CACNA1H: variants seen among roughly 807,000 people sequenced by gnomAD.
CACNA1H encodes the protein calcium voltage-gated channel subunit alpha1 H.
Under a neutral mutation model 192.5 loss-of-function variants are expected in CACNA1H, and 149 were observed. That is an observed-to-expected ratio of 0.77 (90% CI 0.68 to 0.89). CACNA1H has a LOEUF of 0.89. Ranked by LOEUF, CACNA1H falls within the 40% of genes least tolerant of loss-of-function variation. CACNA1H has a pLI of 0.00. For missense variants in CACNA1H, 4,257 were observed against 3,423.5 expected, an observed-to-expected ratio of 1.24 and a Z score of -6.08; for synonymous variants, 2,202 against 1,475.2, an observed-to-expected ratio of 1.49 and a Z score of -11.29.
In CACNA1H at chr16:1,209,209, G is replaced by A. The variant is rs2141327472; in HGVS notation, c.3541G>A (p.Asp1181Asn). The change falls in exon 17 of 35, where the codon GAC becomes AAC. Residue 1181 changes from aspartate to asparagine, a missense_variant. By Grantham distance (23) the Asp-to-Asn change is conservative. Coordinates refer to ENST00000348261, the MANE Select transcript of CACNA1H (RefSeq NM_021098.3). The part of the protein sequence containing the change: ...GKGSTDDEAE[D>N]GRAAPGPRAT... Reference sequence around the variant, plus strand: ...GGGCAGCACCGACGACGAAGCTGAGGACGGCAGGGCCGCGCCCGGGCCCCG... The same window carrying A: ...GGGCAGCACCGACGACGAAGCTGAGAACGGCAGGGCCGCGCCCGGGCCCCG... 1 of 1,550,160 alleles carries A rather than the reference G, an allele frequency of 6.5e-7. No homozygotes were observed. The highest frequency in any genetic ancestry group is 1.2e-5 in the South Asian group (1 of 84,040).
At chr16:1,171,858 C>T (rs1964401088) in intron 2 of CACNA1H, among the ~76,000 whole-genome samples, 3 of 152,370 alleles carry the variant, frequency 2.0e-5, no homozygotes, top group South Asian at 4.1e-4. Context: ...GTTCTGGGCT[C>T]TTCTCGCCCA....
Position 1,212,150 on chromosome 16 carries a change from CCGGTGGCGGTGG to C in CACNA1H, c.4759+22_4759+33del, listed in dbSNP as rs563400847. 3.1e-6 allele frequency: 5 copies of C among 1,598,460 alleles called. No homozygotes were observed. The highest frequency in any genetic ancestry group is 2.7e-5 in the African/African-American group (2 of 74,844). ...GAGGAGGCGCAGGAGTAAGGCGCTC[CCGGTGGCGGTGG>C]CGGTGGCGGGTCGGTACCTGTGTGC... is the stretch of plus-strand genomic sequence containing the variant. On this transcript the variant is annotated intron_variant, in intron 25 of 34. Transcript: ENST00000348261.
intron 12 of CACNA1H, 138 bp downstream of exon 12, chr16:1,206,427 C>A: frequency 2.6e-6 from 2 of 761,404 alleles, no homozygotes; most frequent in Non-Finnish European, 4.2e-6. Context: ...TCGGCCTCTG[C>A]TGCCTTCATT....
chr16:1,175,962 C>G (rs899034837), intron 2 of CACNA1H, among the ~76,000 whole-genome samples: 11 of 152,232 alleles, frequency 7.2e-5, no homozygotes, highest in African/African-American at 2.7e-4. Flanking sequence ...CCGTCTGGAC[C>G]TGGCCTGGGG....
chr16:1,197,163 G>A (rs1967082581), intron 5 of CACNA1H, among the ~76,000 whole-genome samples: 1 of 152,226 alleles, frequency 6.6e-6, no homozygotes, highest in South Asian at 2.1e-4. Context: ...GCTCTACTGT[G>A]TGGCTCAGAT....
At chr16:1,200,209 C>G (rs757716675) in intron 6 of CACNA1H, 47 bp from the exon 7 acceptor site, 1 of 1,498,304 alleles carries the variant, frequency 6.7e-7, no homozygotes. Flanking sequence ...CTCTGACCGT[C>G]CCTGACCCTG....
At chr16:1,205,379 TTA>T in intron 11 of CACNA1H, 114 bp downstream of exon 11, 2 of 1,172,344 alleles carry the variant, frequency 1.7e-6, no homozygotes, top group East Asian at 2.4e-5. Flanking sequence ...CGATAGCTCT[TTA>T]TGACAGGCCG....
At chr16:1,166,433 C>A (rs994599011) in intron 2 of CACNA1H, among the ~76,000 whole-genome samples, 2 of 152,224 alleles carry the variant, frequency 1.3e-5, no homozygotes, top group African/African-American at 4.8e-5. Flanking sequence ...CAGCCCGGCA[C>A]CAACTCATTC....
chr16:1,158,285 T>C (rs1962698516), intron 2 of CACNA1H, among the ~76,000 whole-genome samples: 1 of 152,102 alleles, frequency 6.6e-6, no homozygotes, highest in African/African-American at 2.4e-5. Flanking sequence ...GGGAGGGGCC[T>C]TCCCACTCAC....
intron 2 of CACNA1H, among the ~76,000 whole-genome samples, chr16:1,161,857 C>T (rs1322364606): frequency 6.6e-6 from 1 of 152,034 alleles, no homozygotes; most frequent in African/African-American, 2.4e-5. Flanking sequence ...CCGCAGCCTG[C>T]CTGTGGGGTG....
Position 1,211,993 on chromosome 16 carries a change from C to T in CACNA1H, c.4614C>T (p.Phe1538=), listed in dbSNP as rs746982535. ...NPWMLLYFIS[F]LLIVSFFVLN... ...GGATGCTGCTGTACTTCATCTCCTT[C>T]CTGCTCATCGTCAGCTTCTTCGTGC... The change falls in exon 25 of 35, where the codon TTC becomes TTT. Residue 1538 remains phenylalanine (F), a synonymous_variant. Coordinates refer to ENST00000348261, the MANE Select transcript of CACNA1H (RefSeq NM_021098.3). 1.2e-6 allele frequency: 2 copies of T among 1,613,576 alleles called. No homozygotes were observed. The highest frequency in any genetic ancestry group is 2.2e-5 in the East Asian group (1 of 44,884).
At chr16:1,153,695 C>T (rs1961885875) in intron 1 of CACNA1H, 25 bp from the exon 2 acceptor site, 2 of 1,183,656 alleles carry the variant, frequency 1.7e-6, no homozygotes, top group Non-Finnish European at 2.1e-6. Flanking sequence ...GCCACCGGCC[C>T]CGGGTCACCC....
intron 2 of CACNA1H, among the ~76,000 whole-genome samples, chr16:1,189,163 G>A (rs1482839655): frequency 1.3e-5 from 2 of 151,272 alleles, no homozygotes; most frequent in Non-Finnish European, 2.9e-5. Context: ...CTGTAGGGGT[G>A]AGAAAAGCTG....
Position 1,167,036 on chromosome 16 carries a change from C to T in CACNA1H, c.299+13000C>T, listed in dbSNP as rs765900669. ...GGTGCCCACCTGTTGACCCACCTCT[C>T]GCCCCCAGCTTTTGGGTCCCTGAGT... is the stretch of plus-strand genomic sequence containing the variant. On this transcript the variant is annotated intron_variant, in intron 2 of 34. Transcript: ENST00000348261. This position sits in a 1 kb window ranked among gnomAD's most constrained non-coding sequence, Gnocchi z 4.2. Among the ~76,000 whole-genome samples the T allele has an allele frequency of 1.2e-4, 19 of 152,238 alleles. No homozygotes were observed. The highest frequency in any genetic ancestry group is 1.9e-4 in the Non-Finnish European group (13 of 68,040).
chr16:1,218,950 T>C lies in CACNA1H; in HGVS notation c.5888-20T>C. 1 of 1,549,046 alleles carries C rather than the reference T, an allele frequency of 6.5e-7. No homozygotes were observed. Among genetic ancestry groups the C allele is most frequent in the Non-Finnish European group, 8.7e-7 (1 of 1,146,620 alleles). The stretch of plus-strand genomic sequence containing the variant: ...GAAGGCAGGGGCAGAGCTGCCAGCT[T>C]AGATTCTTCCCTGCCCCAGGCTCCG... On this transcript the variant is annotated intron_variant, in intron 33 of 34. Transcript: ENST00000348261.
At chr16:1,212,598 C>T in intron 26 of CACNA1H, 70 bp downstream of exon 26, 4 of 1,557,766 alleles carry the variant, frequency 2.6e-6, no homozygotes, top group Non-Finnish European at 3.5e-6. Context: ...GCGGGCATCC[C>T]AGGCCTGCTG....
At position 1,210,096 on chromosome 16, in the gene CACNA1H, G is replaced by A. The variant is rs749122105; in HGVS notation, c.3806G>A (p.Arg1269His). 3.1e-5 allele frequency: 48 copies of A among 1,559,812 alleles called. No individual in the cohort carries two copies. The highest frequency in any genetic ancestry group is 3.8e-5 in the Admixed American group (2 of 52,706). Reference sequence around the variant, plus strand: ...TACAAGCCCCAGTGGTGCCGGAGCCGCGAGGCCTGGGCCCTCTACCTCTTC... The same window carrying A: ...TACAAGCCCCAGTGGTGCCGGAGCCACGAGGCCTGGGCCCTCTACCTCTTC... ...EPYKPQWCRSREAWALYLFSP... is the reference protein window; with the variant it reads ...EPYKPQWCRSHEAWALYLFSP... Residue 1269 changes from arginine to histidine, a missense_variant, in exon 18 of 35, where the codon CGC becomes CAC. By Grantham distance (29) the Arg-to-His change is conservative (BLOSUM62 0). Transcript: ENST00000348261.
At chr16:1,202,941 C>T (rs55961400) in intron 9 of CACNA1H, among the ~76,000 whole-genome samples, 22 of 151,940 alleles carry the variant, frequency 1.4e-4, no homozygotes, top group African/African-American at 5.3e-4. Flanking sequence ...GCGTGGGGTT[C>T]TCCTATGCGG....
chr16:1,164,131 C>T (rs998987331), intron 2 of CACNA1H, among the ~76,000 whole-genome samples: 1 of 152,168 alleles, frequency 6.6e-6, no homozygotes, highest in Admixed American at 6.5e-5. Context: ...AAGCAAGGGC[C>T]CTGGGCCTGA....
Sources: gnomAD v4.1 joint callset for allele counts (sites outside exome capture counted in the v4.1 genomes callset) on GRCh38, gnomAD v4.1.1 for gene constraint, Gnocchi (gnomAD v3.1) non-coding constraint, MANE v1.5 for transcripts, NCBI Gene and HGNC (gene_info 2026-07-23, HGNC 2026-07-21) for gene names.